The following WFDC8 variants were observed in gnomAD, a reference collection of about 807,000 sequenced individuals.
WFDC8 encodes the protein WAP four-disulfide core domain 8, also known as WAP four-disulfide core domain protein 8.
WFDC8 carries 24 observed loss-of-function variants against 27.0 expected under a neutral mutation model. That is an observed-to-expected ratio of 0.89 (90% CI 0.64 to 1.25). The LOEUF (loss-of-function observed/expected upper bound fraction) is 1.25, where lower values mean the gene tolerates loss of function less well. Ranked by LOEUF, WFDC8 falls within the 50% of genes most tolerant of loss-of-function variation. The pLI, the probability that WFDC8 is intolerant of heterozygous loss-of-function variation, is 0.00. For missense variants in WFDC8, 287 were observed against 295.9 expected (o/e 0.97, Z 0.22); for synonymous variants, 106 against 99.7 (o/e 1.06, Z -0.38).
intron 4 of WFDC8, among the ~76,000 whole-genome samples, chr20:45,553,919 C>T (rs928674459): frequency 1.1e-4 from 17 of 152,090 alleles, no homozygotes; most frequent in Non-Finnish European, 2.4e-4. Context: ...AGTTTTTCAA[C>T]CAAGATGAGA....
chr20:45,556,707 G>T (rs1293430930), intron 3 of WFDC8, among the ~76,000 whole-genome samples: 1 of 152,220 alleles, frequency 6.6e-6, no homozygotes, highest in Non-Finnish European at 1.5e-5. Flanking sequence ...AAGCTCGATA[G>T]GTGGGTGCCT....
At chr20:45,558,346 T>C (rs6017616) in intron 3 of WFDC8, among the ~76,000 whole-genome samples, 58,076 of 151,938 alleles carry the variant, frequency 0.38, 11,531 homozygotes, top group Non-Finnish European at 0.43. Flanking sequence ...TGTTCAACTA[T>C]AGGTGTATTC....
At chr20:45,572,027 C>G (rs1980885088) in intron 1 of WFDC8, among the ~76,000 whole-genome samples, 1 of 152,150 alleles carries the variant, frequency 6.6e-6, no homozygotes, top group African/African-American at 2.4e-5. Context: ...AGTAATTCTA[C>G]TTTTAGTATT....
At chr20:45,562,062 C>T in intron 2 of WFDC8, 48 bp downstream of exon 2, 3 of 1,560,894 alleles carry the variant, frequency 1.9e-6, no homozygotes, top group Non-Finnish European at 1.8e-6. Context: ...ACCCTCATCC[C>T]CAATAATGCT....
At chr20:45,564,771 A>G (rs61438890) in intron 1 of WFDC8, among the ~76,000 whole-genome samples, 57,868 of 151,030 alleles carry the variant, frequency 0.38, 11,551 homozygotes, top group Non-Finnish European at 0.43. Context: ...GAGCCCAGGA[A>G]GTCAGTGTTT....
At position 45,552,100 on chromosome 20, in the gene WFDC8, G is replaced by T; in HGVS notation, c.652C>A (p.Gln218Lys). Residue 218 changes from glutamine to lysine, a missense_variant, in exon 6 of 6, where the codon CAG becomes AAG. Coordinates refer to ENST00000289953, the MANE Select transcript of WFDC8 (RefSeq NM_130896.3). ...TCCACCAATGGGCACTCCTCATCCT[G>T]CAGGCACTTGGGTTTATCAATCTTG... ...CTKIDKPKCL[Q>K]DEECPLVEKC... 6.2e-7 allele frequency: 1 copy of T among 1,614,114 alleles called. No homozygotes were observed. The highest frequency in any genetic ancestry group is 8.5e-7 in the Non-Finnish European group (1 of 1,179,976).
intron 1 of WFDC8, among the ~76,000 whole-genome samples, chr20:45,577,009 A>C (rs564982087): frequency 2.2e-4 from 34 of 151,478 alleles, no homozygotes; most frequent in Admixed American, 2.1e-3. Flanking sequence ...TTTATTACCC[A>C]AAAATCAATA....
intron 1 of WFDC8, among the ~76,000 whole-genome samples, chr20:45,565,151 G>GGGAA (rs925136061): frequency 1.3e-5 from 2 of 150,120 alleles, no homozygotes; most frequent in African/African-American, 2.5e-5. Flanking sequence ...AAGGGAGGGA[G>GGGAA]GGAAGGAAGG....
At chr20:45,571,463 CAGAT>C (rs1429817132) in intron 1 of WFDC8, among the ~76,000 whole-genome samples, 1 of 152,204 alleles carries the variant, frequency 6.6e-6, no homozygotes, top group African/African-American at 2.4e-5. Flanking sequence ...TCCATCACCT[CAGAT>C]ACTTATCATT....
chr20:45,555,276 C>T (rs564164963), intron 4 of WFDC8, among the ~76,000 whole-genome samples: 1 of 152,292 alleles, frequency 6.6e-6, no homozygotes, highest in Admixed American at 6.5e-5. Flanking sequence ...CCCCACCCTA[C>T]TCTCCACCTC....
chr20:45,553,167 C>T lies in WFDC8; in HGVS notation c.555G>A (p.Arg185=). 6.2e-7 allele frequency: 1 copy of T among 1,613,764 alleles called. No homozygotes were observed. The highest frequency in any genetic ancestry group is 8.5e-7 in the Non-Finnish European group (1 of 1,179,772). The change falls in exon 5 of 6, where the codon AGG becomes AGA. Residue 185 remains arginine, a synonymous_variant. Transcript: ENST00000289953. ...CPQTDKCCES[R]CGFVCARAWT... ...AGGCCCTGGCACAAACAAAGCCACA[C>T]CTGGATTCACAACATTTGTCTGTCT...
chr20:45,555,901 A>T, intron 3 of WFDC8, 33 bp from the exon 4 acceptor site: 1 of 1,601,640 alleles, frequency 6.2e-7, no homozygotes, highest in Non-Finnish European at 8.5e-7. Flanking sequence ...GAAGGATATG[A>T]AGAGTAGAGA....
At chr20:45,562,339 ACAC>A (rs1980502380) in intron 1 of WFDC8, 120 bp from the exon 2 acceptor site, 1 of 753,136 alleles carries the variant, frequency 1.3e-6, no homozygotes, top group South Asian at 1.7e-5. Context: ...AAGAAGACTG[ACAC>A]CAGCATGGGG....
downstream of WFDC8, chr20:45,551,632 AG>A (rs199595549): frequency 0.057 from 8,372 of 146,180 alleles, 267 homozygotes; most frequent in African/African-American, 0.093. Flanking sequence ...AAAAAAAAAA[AG>A]AAAGAAAGAA....
At chr20:45,567,806 T>C (rs899343483) in intron 1 of WFDC8, among the ~76,000 whole-genome samples, 3 of 152,222 alleles carry the variant, frequency 2.0e-5, no homozygotes, top group African/African-American at 7.2e-5. Context: ...AAACATTCTG[T>C]AAAGTTAGCT....
chr20:45,568,124 GA>G, intron 1 of WFDC8: 1 of 364,308 alleles, frequency 2.7e-6, no homozygotes, highest in Non-Finnish European at 5.5e-6. Context: ...GGTCTGAACT[GA>G]AAATCTCCAT....
chr20:45,556,104 G>T (rs1980236104), intron 3 of WFDC8, among the ~76,000 whole-genome samples: 1 of 152,176 alleles, frequency 6.6e-6, no homozygotes, highest in South Asian at 2.1e-4. Context: ...GTGCATATAA[G>T]AATCTTGTAC....
At chr20:45,578,029 AT>A (rs541881701) in intron 1 of WFDC8, among the ~76,000 whole-genome samples, 1,158 of 59,434 alleles carry the variant, frequency 0.019, 27 homozygotes, top group African/African-American at 0.062. Flanking sequence ...AAAAATAAAA[AT>A]AAAAATAAAT....
chr20:45,578,058 A>G (rs905821365), intron 1 of WFDC8, among the ~76,000 whole-genome samples: 1 of 151,108 alleles, frequency 6.6e-6, no homozygotes, highest in African/African-American at 2.4e-5. Context: ...TAAAGTATGT[A>G]GAGTTTTATT....
Sources: gnomAD v4.1 joint callset for allele counts (sites outside exome capture counted in the v4.1 genomes callset) on GRCh38, gnomAD v4.1.1 for gene constraint, MANE v1.5 for transcripts, NCBI Gene and HGNC (gene_info 2026-07-23, HGNC 2026-07-21) for gene names.